C12orf42: variants seen among roughly 807,000 people sequenced by gnomAD.
The protein encoded by C12orf42 is chromosome 12 open reading frame 42, also known as uncharacterized protein C12orf42.
A neutral mutation model predicts 21.6 loss-of-function variants in C12orf42; 25 were observed. The ratio of observed to expected loss-of-function variants is 1.16; its 90% confidence interval spans 0.84 to 1.62. The LOEUF (loss-of-function observed/expected upper bound fraction) is 1.62, where lower values mean the gene tolerates loss of function less well. Ranked by LOEUF, C12orf42 falls within the 40% of genes most tolerant of loss-of-function variation. The probability of loss-of-function intolerance (pLI) is 0.00; values close to 1 mark genes in which losing one functional copy is unlikely to be tolerated. For synonymous variants in C12orf42, 174 were observed against 175.0 expected (o/e 0.99, Z 0.05); for missense variants, 483 against 459.3 (o/e 1.05, Z -0.47).
chr12:103,292,719 C>T (rs541199300), intron 4 of C12orf42, among the ~76,000 whole-genome samples: 1 of 152,060 alleles, frequency 6.6e-6, no homozygotes, highest in Non-Finnish European at 1.5e-5. Flanking sequence ...AATAATAAGA[C>T]TGAAATCTCC....
chr12:103,190,312 C>G, the C12orf42 span, among the ~76,000 whole-genome samples: 2 of 152,172 alleles, frequency 1.3e-5, no homozygotes, highest in East Asian at 3.9e-4. Context: ...CTGCTTTGTT[C>G]TAGCTTCACT....
At chr12:103,193,009 C>A in the C12orf42 span, among the ~76,000 whole-genome samples, 4 of 152,038 alleles carry the variant, frequency 2.6e-5, no homozygotes, top group African/African-American at 9.7e-5. Flanking sequence ...CAAATCTTAA[C>A]AAATTTTAAA....
chr12:103,221,509 T>C, the C12orf42 span, among the ~76,000 whole-genome samples: 2 of 152,208 alleles, frequency 1.3e-5, no homozygotes, highest in Non-Finnish European at 2.9e-5. Context: ...AGCAATTAAA[T>C]TACTTATGAC....
At chr12:103,156,839 T>G in the C12orf42 span, among the ~76,000 whole-genome samples, 1 of 152,212 alleles carries the variant, frequency 6.6e-6, no homozygotes, top group Non-Finnish European at 1.5e-5. Context: ...TATTCCATGG[T>G]GTATATAGAC....
At chr12:103,173,564 G>A in the C12orf42 span, among the ~76,000 whole-genome samples, 1 of 152,028 alleles carries the variant, frequency 6.6e-6, no homozygotes, top group Non-Finnish European at 1.5e-5. Flanking sequence ...GACAACTTTT[G>A]TCTTTCATTG....
the C12orf42 span, among the ~76,000 whole-genome samples, chr12:103,105,341 A>T: frequency 2.0e-5 from 3 of 152,192 alleles, no homozygotes; most frequent in African/African-American, 7.2e-5. Flanking sequence ...TTTAAAAGAT[A>T]ATATAACATG....
At chr12:103,164,580 G>T in the C12orf42 span, 3 of 416,942 alleles carry the variant, frequency 7.2e-6, no homozygotes, top group Non-Finnish European at 1.5e-5. Context: ...AAAAGACATT[G>T]TCCTGAAGAA....
chr12:103,496,813 GA>G (rs35226409), upstream of C12orf42, among the ~76,000 whole-genome samples: 5,655 of 111,008 alleles, frequency 0.051, 155 homozygotes, highest in African/African-American at 0.087. Flanking sequence ...TTCTAGCCGG[GA>G]AAAAAAAAAA....
chr12:103,367,967 C>A, intron 4 of C12orf42: 1 of 864,198 alleles, frequency 1.2e-6, no homozygotes, highest in South Asian at 1.6e-5. Context: ...AATGAATAAA[C>A]ACATTCAAAA....
chr12:103,349,664 T>G (rs528039240), intron 4 of C12orf42, among the ~76,000 whole-genome samples: 2 of 152,174 alleles, frequency 1.3e-5, no homozygotes, highest in Non-Finnish European at 2.9e-5. Context: ...AAAATAAGAT[T>G]GGTACCATGC....
the C12orf42 span, among the ~76,000 whole-genome samples, chr12:103,167,288 G>T: frequency 6.6e-6 from 1 of 152,184 alleles, no homozygotes; most frequent in Non-Finnish European, 1.5e-5. Flanking sequence ...ATTAGGAGCT[G>T]CATCTCCTCC....
At chr12:103,516,437 T>C in the C12orf42 span, among the ~76,000 whole-genome samples, 2 of 152,224 alleles carry the variant, frequency 1.3e-5, no homozygotes, top group African/African-American at 4.8e-5. Context: ...CACACTGCTA[T>C]AAAGAAATGC....
the C12orf42 span, among the ~76,000 whole-genome samples, chr12:103,521,428 G>A: frequency 1.3e-5 from 2 of 152,144 alleles, no homozygotes; most frequent in South Asian, 4.1e-4. Context: ...ACTACCACAG[G>A]AACAGAAAAC....
At chr12:103,225,550 C>T in the C12orf42 span, among the ~76,000 whole-genome samples, 91 of 151,620 alleles carry the variant, frequency 6.0e-4, 1 homozygote, top group African/African-American at 1.9e-3. Context: ...AAGAGGAGGA[C>T]GCAAAGGAGG....
intron 4 of C12orf42, among the ~76,000 whole-genome samples, chr12:103,347,404 A>G (rs1593539593): frequency 6.6e-6 from 1 of 152,136 alleles, no homozygotes; most frequent in Admixed American, 6.6e-5. Flanking sequence ...TTATGGCTGC[A>G]TAGTATTCCA....
At chr12:103,169,234 T>C in the C12orf42 span, among the ~76,000 whole-genome samples, 1 of 151,826 alleles carries the variant, frequency 6.6e-6, no homozygotes, top group Non-Finnish European at 1.5e-5. Context: ...AGCTTCTTCG[T>C]GCACTATGTA....
chr12:103,495,858 A>G (rs1257807810), intron 1 of C12orf42, 44 bp downstream of exon 1: 1 of 152,116 alleles, frequency 6.6e-6, no homozygotes, highest in Non-Finnish European at 1.5e-5. Flanking sequence ...GTCCGGCTCT[A>G]CCTCACCCTG....
At chr12:103,448,050 T>G (rs1174256888) in intron 2 of C12orf42, among the ~76,000 whole-genome samples, 1 of 151,798 alleles carries the variant, frequency 6.6e-6, no homozygotes, top group Non-Finnish European at 1.5e-5. Context: ...AACTATACTA[T>G]AATGCCACAG....
the C12orf42 span, among the ~76,000 whole-genome samples, chr12:103,136,486 A>C: frequency 1.3e-5 from 2 of 152,200 alleles, no homozygotes; most frequent in African/African-American, 4.8e-5. Context: ...ATTCAATGCA[A>C]TTCCTATCAA....
Sources: allele counts gnomAD v4.1 joint callset (sites outside exome capture counted in the v4.1 genomes callset), GRCh38; gene constraint gnomAD v4.1.1; transcripts MANE v1.5; gene names NCBI Gene and HGNC (gene_info 2026-07-23, HGNC 2026-07-21).